SLC35F4: variants seen among roughly 807,000 people sequenced by gnomAD.
SLC35F4 encodes solute carrier family 35 member F4, also known as chromosome 14 open reading frame 36.
A neutral mutation model predicts 44.2 loss-of-function variants in SLC35F4; 24 were observed. The ratio of observed to expected loss-of-function variants is 0.54; its 90% CI spans 0.39 to 0.76. The LOEUF is 0.76. SLC35F4 is among the 30% of genes least tolerant of loss of function. SLC35F4 has a pLI of 0.00. For missense variants in SLC35F4, 562 were observed against 586.1 expected (o/e 0.96, Z 0.42); for synonymous variants, 238 against 223.6 (o/e 1.06, Z -0.57).
chr14:57,786,171 A>G (rs2077752383), intron 1 of SLC35F4, among the ~76,000 whole-genome samples: 1 of 152,070 alleles, frequency 6.6e-6, no homozygotes, highest in South Asian at 2.1e-4. Flanking sequence ...GACAACCTGC[A>G]TGACTCAGCA....
chr14:57,769,437 A>T (rs997592392), intron 1 of SLC35F4, among the ~76,000 whole-genome samples: 3 of 152,182 alleles, frequency 2.0e-5, no homozygotes, highest in African/African-American at 7.2e-5. Flanking sequence ...AGAAATACAA[A>T]ATTGGGGTGT....
At chr14:57,711,094 T>A (rs1207823393) in intron 1 of SLC35F4, among the ~76,000 whole-genome samples, 2 of 152,102 alleles carry the variant, frequency 1.3e-5, no homozygotes, top group East Asian at 3.9e-4. Flanking sequence ...TCCGCACATA[T>A]CATGGGAGGT....
chr14:57,613,286 T>C (rs1483961676), intron 1 of SLC35F4, among the ~76,000 whole-genome samples: 2 of 152,228 alleles, frequency 1.3e-5, no homozygotes, highest in African/African-American at 4.8e-5. Context: ...ATTTATATAA[T>C]TTATTGTGTG....
Position 57,886,067 on chromosome 14 carries a change from A to C in SLC35F4, n.282+95846T>G, listed in dbSNP as rs145990506. 8.5e-5 allele frequency among the ~76,000 whole-genome samples: 13 copies of C among 152,330 alleles called. No homozygotes were observed. The East Asian group carries it at 2.5e-3, about 29-fold the overall frequency. ...AAAATCACTTAATATTTTAATAGCT[A>C]ATATATATCACATGCTTACTGTGTG... On this transcript the variant is annotated intron_variant and non_coding_transcript_variant, in intron 1 of 1. Transcript: ENST00000556568.
intron 1 of SLC35F4, among the ~76,000 whole-genome samples, chr14:57,931,979 CT>C (rs1889706041): frequency 6.6e-6 from 1 of 152,234 alleles, no homozygotes; most frequent in Admixed American, 6.5e-5. Flanking sequence ...ATCAGCAAAT[CT>C]ACTTATTTAC....
At chr14:57,575,047 C>T (rs1201510101) in intron 4 of SLC35F4, among the ~76,000 whole-genome samples, 2 of 152,112 alleles carry the variant, frequency 1.3e-5, no homozygotes, top group African/African-American at 4.8e-5. Flanking sequence ...TCCTGGGACA[C>T]ATTAACATCC....
intron 1 of SLC35F4, among the ~76,000 whole-genome samples, chr14:57,738,748 CAT>C (rs36212594): frequency 0.06 from 6,488 of 108,752 alleles, 190 homozygotes; most frequent in East Asian, 0.08. Context: ...TTTGAATTTT[CAT>C]ATATATATAT....
At chr14:57,681,105 C>A (rs1373688434) in intron 1 of SLC35F4, among the ~76,000 whole-genome samples, 1 of 152,054 alleles carries the variant, frequency 6.6e-6, no homozygotes, top group South Asian at 2.1e-4. Context: ...AGCCATCACG[C>A]TACTGACTTC....
rs970035622 is a variant in SLC35F4 at position 57,773,824 on chromosome 14, G to A, written c.103+91899C>T. 4.6e-5 allele frequency among the ~76,000 whole-genome samples: 7 copies of A among 152,206 alleles called. No homozygotes were observed. The East Asian group carries it at 5.8e-4, about 13-fold the overall frequency. ...CTCTAATAGAATCCCTCAGAAGTTCGTACTAACTCTAGGCCCTGAGAAATT... is the reference window on the plus strand; with the variant it reads ...CTCTAATAGAATCCCTCAGAAGTTCATACTAACTCTAGGCCCTGAGAAATT... On this transcript the variant is annotated intron_variant, in intron 1 of 7. Coordinates refer to ENST00000556826, the MANE Select transcript of SLC35F4 (RefSeq NM_001306087.2).
At chr14:57,898,668 T>C (rs1406126738) in intron 1 of SLC35F4, among the ~76,000 whole-genome samples, 1 of 152,252 alleles carries the variant, frequency 6.6e-6, no homozygotes, top group African/African-American at 2.4e-5. Context: ...TCAACATTTC[T>C]GTAATATTAA....
At chr14:57,854,639 A>G (rs1886907553) in intron 1 of SLC35F4, among the ~76,000 whole-genome samples, 1 of 151,844 alleles carries the variant, frequency 6.6e-6, no homozygotes, top group Non-Finnish European at 1.5e-5. Flanking sequence ...CTCTCTCCCA[A>G]CTTCACCCTA....
At chr14:57,621,515 A>G (rs1473376882) in intron 1 of SLC35F4, among the ~76,000 whole-genome samples, 5 of 152,154 alleles carry the variant, frequency 3.3e-5, no homozygotes, top group South Asian at 2.1e-4. Flanking sequence ...ATAACACTAC[A>G]TATCTACAAC....
Position 57,586,717 on chromosome 14 carries a change from C to CAAAAAAAAAA in SLC35F4, c.587+2489_587+2498dup, listed in dbSNP as rs543963927. 0.017 allele frequency among the ~76,000 whole-genome samples: 212 copies of CAAAAAAAAAA among 12,496 alleles called. 56 individuals are homozygous for CAAAAAAAAAA. In the East Asian group the frequency reaches 0.19, roughly 11 times the overall value. The allele number at this position is 12,496 out of a possible 152,430, so 8.2% of individuals were successfully genotyped here. A position where few individuals can be genotyped will look rare whatever the true frequency, so the allele number is the denominator to read the frequency against. On this transcript the variant is annotated intron_variant, in intron 3 of 7. Transcript: ENST00000556826. ...TGGGTGACAGAGCGAGACTCTGTCT[C>CAAAAAAAAAA]AAAAAAAAAAAAAAAAAAAAAAAAA... is the stretch of plus-strand genomic sequence containing the variant.
intron 1 of SLC35F4, among the ~76,000 whole-genome samples, chr14:57,797,558 T>C (rs898888151): frequency 6.6e-6 from 1 of 152,178 alleles, no homozygotes; most frequent in Non-Finnish European, 1.5e-5. Context: ...AACTCTGAAG[T>C]ACCTTCCAGC....
At chr14:57,961,950 G>A (rs555155773) in intron 1 of SLC35F4, among the ~76,000 whole-genome samples, 233 of 152,248 alleles carry the variant, frequency 1.5e-3, no homozygotes, top group African/African-American at 5.4e-3. Context: ...CTCCTCCTGA[G>A]AGACTGAATT....
At chr14:57,967,572 C>G (rs760299529) in intron 1 of SLC35F4, among the ~76,000 whole-genome samples, 1 of 152,120 alleles carries the variant, frequency 6.6e-6, no homozygotes, top group Non-Finnish European at 1.5e-5. Context: ...TTTGTTTTAA[C>G]GTCTGGCACA....
intron 1 of SLC35F4, among the ~76,000 whole-genome samples, chr14:57,750,004 G>A (rs1336620306): frequency 1.3e-5 from 2 of 152,196 alleles, no homozygotes; most frequent in Middle Eastern, 3.4e-3. Flanking sequence ...AATAACACAT[G>A]TTGTACTCGT....
chr14:57,857,216 G>T (rs1036089136), intron 1 of SLC35F4, among the ~76,000 whole-genome samples: 3 of 151,716 alleles, frequency 2.0e-5, no homozygotes, highest in African/African-American at 4.9e-5. Context: ...GGCGGAGGTT[G>T]CAGTGAGCCA....
intron 1 of SLC35F4, among the ~76,000 whole-genome samples, chr14:57,802,629 G>A (rs1053296811): frequency 1.8e-4 from 27 of 151,910 alleles, no homozygotes; most frequent in African/African-American, 5.8e-4. Context: ...ATGATAAAGG[G>A]GACATTACCA....
Sources: gnomAD v4.1 joint callset for allele counts (sites outside exome capture counted in the v4.1 genomes callset) on GRCh38, gnomAD v4.1.1 for gene constraint, MANE v1.5 for transcripts, NCBI Gene and HGNC (gene_info 2026-07-23, HGNC 2026-07-21) for gene names.